Variants in MTMR3 observed in about 807,000 individuals in gnomAD.
MTMR3 encodes phosphatidylinositol-3,5-bisphosphate 3-phosphatase MTMR3.
In MTMR3, 32 loss-of-function variants were observed where a neutral mutation model predicts 132.4. That is an observed-to-expected ratio of 0.24 (90% CI 0.18 to 0.32). The LOEUF (loss-of-function observed/expected upper bound fraction) is 0.32. Ranked by LOEUF, MTMR3 falls within the 10% of genes least tolerant of loss-of-function variation. The pLI, the probability that MTMR3 is intolerant of heterozygous loss-of-function variation, is 1.00. For synonymous variants in MTMR3, 556 were observed against 550.3 expected, an observed-to-expected ratio of 1.01 and a Z score of -0.14; for missense variants, 1,216 against 1,489.6, an observed-to-expected ratio of 0.82 and a Z score of 3.02.
chr22:29,984,961 C>T (rs1174512990), intron 5 of MTMR3: 2 of 152,204 alleles, frequency 1.3e-5, no homozygotes, highest in Non-Finnish European at 2.9e-5. Flanking sequence ...GACTTTACTA[C>T]TATATTAGCT....
chr22:29,965,762 T>A (rs1217083243), intron 2 of MTMR3, among the ~76,000 whole-genome samples: 1 of 152,110 alleles, frequency 6.6e-6, no homozygotes. Context: ...TGACTGCAGA[T>A]TGAGAGTTTA....
chr22:29,977,150 G>A (rs1426184431), intron 3 of MTMR3, among the ~76,000 whole-genome samples: 1 of 152,118 alleles, frequency 6.6e-6, no homozygotes, highest in Non-Finnish European at 1.5e-5. Flanking sequence ...AAATTAGCCT[G>A]GCATGGTGGT....
chr22:29,930,951 G>A (rs2145789759), intron 1 of MTMR3, among the ~76,000 whole-genome samples: 1 of 150,102 alleles, frequency 6.7e-6, no homozygotes, highest in South Asian at 2.1e-4. Context: ...AGGCTGCAGT[G>A]AGCCATGATC....
intron 1 of MTMR3, among the ~76,000 whole-genome samples, chr22:29,954,858 C>T (rs953045670): frequency 1.3e-5 from 2 of 152,030 alleles, no homozygotes; most frequent in Non-Finnish European, 2.9e-5. Context: ...TATCATAGCT[C>T]GATAACTTCA....
At chr22:29,917,007 C>T (rs1569003047) in intron 1 of MTMR3, among the ~76,000 whole-genome samples, 1 of 152,146 alleles carries the variant, frequency 6.6e-6, no homozygotes, top group Non-Finnish European at 1.5e-5. Context: ...TGTTCTTGTT[C>T]TACAATATCC....
intron 12 of MTMR3, 174 bp downstream of exon 12, chr22:30,009,303 G>A: frequency 1.7e-6 from 1 of 582,298 alleles, no homozygotes; most frequent in Non-Finnish European, 3.0e-6. Flanking sequence ...TCCTTGCTGG[G>A]TCTGAAATGT....
At chr22:29,971,313 C>A (rs1027387859) in intron 3 of MTMR3, among the ~76,000 whole-genome samples, 9 of 152,036 alleles carry the variant, frequency 5.9e-5, no homozygotes, top group African/African-American at 2.2e-4. Context: ...ATTTTTCAGT[C>A]AGCAAGTAAA....
intron 19 of MTMR3, chr22:30,023,463 T>C (rs1465453066): frequency 2.5e-6 from 4 of 1,614,230 alleles, no homozygotes; most frequent in Non-Finnish European, 3.4e-6. Context: ...GCAGGGACAC[T>C]GACCGTGTTG....
chr22:30,027,242 G>C lies in MTMR3; in HGVS notation c.*1441G>C, dbSNP rs1039934743. The C allele has an allele frequency of 6.5e-6, 1 of 152,842 alleles. No individual in the cohort carries two copies. Among genetic ancestry groups the C allele is most frequent in the African/African-American group, 2.4e-5 (1 of 41,462 alleles). The allele number at this position is 152,842 out of a possible 1,614,324, so 9.5% of individuals were successfully genotyped here. A position where few individuals can be genotyped will look rare whatever the true frequency, so the allele number is the denominator to read the frequency against. On this transcript the variant is annotated 3_prime_UTR_variant, in exon 20 of 20. Transcript: ENST00000401950. The stretch of plus-strand genomic sequence containing the variant: ...TGGTGACAGGGTGGATCATGGTGAG[G>C]ACTAGGGGTAAGGTCAGGGAATGCT...
At chr22:29,924,690 A>C (rs2065482013) in intron 1 of MTMR3, among the ~76,000 whole-genome samples, 1 of 152,192 alleles carries the variant, frequency 6.6e-6, no homozygotes. Context: ...CCAATCCATG[A>C]ACACATGATA....
chr22:30,018,200 G>GT, intron 16 of MTMR3, 128 bp downstream of exon 16: 2 of 1,071,332 alleles, frequency 1.9e-6, no homozygotes, highest in South Asian at 2.0e-5. Flanking sequence ...GGTCTCTGCA[G>GT]TTTTTTCAGG....
chr22:30,012,760 A>G (rs2067465527), intron 13 of MTMR3, 197 bp downstream of exon 13: 2 of 522,790 alleles, frequency 3.8e-6, no homozygotes, highest in Non-Finnish European at 6.5e-6. Context: ...GGGGCAGATT[A>G]TGGGTAACAA....
intron 1 of MTMR3, among the ~76,000 whole-genome samples, chr22:29,902,512 G>A (rs1440938427): frequency 1.3e-5 from 2 of 151,004 alleles, no homozygotes; most frequent in East Asian, 2.0e-4. Context: ...GACTACAGGC[G>A]CCCACCACCA....
intron 1 of MTMR3, among the ~76,000 whole-genome samples, chr22:29,952,790 A>T (rs1364255716): frequency 6.6e-6 from 1 of 152,214 alleles, no homozygotes; most frequent in Non-Finnish European, 1.5e-5. Context: ...AGGGAGTAAG[A>T]CTAACCTATA....
intron 13 of MTMR3, 131 bp downstream of exon 13, chr22:30,012,694 T>A: frequency 1.0e-6 from 1 of 990,422 alleles, no homozygotes; most frequent in Non-Finnish European, 1.5e-6. Context: ...ATTGTTCCTT[T>A]ATGCCATGAG....
At chr22:29,974,207 C>T (rs1029142456) in intron 3 of MTMR3, among the ~76,000 whole-genome samples, 1 of 152,150 alleles carries the variant, frequency 6.6e-6, no homozygotes, top group African/African-American at 2.4e-5. Flanking sequence ...GTTACCAGAC[C>T]AGCGTTTCCC....
intron 8 of MTMR3, chr22:30,001,741 C>T (rs964571525): frequency 9.2e-5 from 14 of 152,126 alleles, no homozygotes; most frequent in African/African-American, 3.1e-4. Context: ...AGATATTAAC[C>T]ATCATTACTG....
intron 1 of MTMR3, among the ~76,000 whole-genome samples, chr22:29,925,670 A>G (rs992296435): frequency 3.9e-5 from 6 of 151,966 alleles, no homozygotes; most frequent in African/African-American, 1.2e-4. Context: ...AATCCCAGCA[A>G]TTTGGGAGGC....
intron 1 of MTMR3, among the ~76,000 whole-genome samples, chr22:29,901,272 T>TA (rs2064998659): frequency 6.7e-6 from 1 of 149,854 alleles, no homozygotes; most frequent in African/African-American, 2.5e-5. Flanking sequence ...ATATATATAT[T>TA]TTAATATTAA....
Sources: allele counts gnomAD v4.1 joint callset (sites outside exome capture counted in the v4.1 genomes callset), GRCh38; gene constraint gnomAD v4.1.1; transcripts MANE v1.5; gene names NCBI Gene and HGNC (gene_info 2026-07-23, HGNC 2026-07-21).